DLEC1: variants seen among roughly 807,000 people sequenced by gnomAD.
DLEC1 encodes deleted in lung and esophageal cancer protein 1.
Under a neutral mutation model 198.1 loss-of-function variants are expected in DLEC1, and 146 were observed. The observed-to-expected ratio is 0.74, with a 90% confidence interval of 0.64 to 0.85. The LOEUF is 0.85. Among genes scored for constraint, DLEC1 ranks in the 40% least tolerant of loss-of-function variants. The probability of loss-of-function intolerance (pLI) is 0.00; values close to 1 mark genes in which losing one functional copy is unlikely to be tolerated. For synonymous variants in DLEC1, 897 were observed against 866.8 expected (o/e 1.03, Z -0.61); for missense variants, 2,233 against 2,220.0 (o/e 1.01, Z -0.12).
Position 38,084,183 on chromosome 3 carries a change from C to A in DLEC1, c.1199C>A (p.Thr400Asn). ...ATGGTAATTGCGCTGCAGAACACCA[C>A]CACGACCAGCCGCTACCTGCGAGTC... The part of the protein sequence containing the change: ...YEMVIALQNT[T>N]TTSRYLRVLP... The change falls in exon 7 of 37, where the codon ACC becomes AAC. Residue 400 changes from threonine to asparagine, a missense_variant. By Grantham distance (65) the Thr-to-Asn change is moderately conservative. Coordinates refer to ENST00000308059, the MANE Select transcript of DLEC1 (RefSeq NM_007335.4). 1 of 1,613,094 alleles carries A rather than the reference C, an allele frequency of 6.2e-7. No individual in the cohort carries two copies.
intron 18 of DLEC1, among the ~76,000 whole-genome samples, chr3:38,099,949 C>G (rs1458674540): frequency 6.6e-6 from 1 of 152,174 alleles, no homozygotes; most frequent in Non-Finnish European, 1.5e-5. Context: ...AGAGGGCTAC[C>G]CCCCTAGTTT....
rs139466690 is a variant in DLEC1, at chr3:38,058,655, A to G, written c.563-1087A>G. ...TGAAGAATAAAAAGCCTCCACCTGT[A>G]CATTATAAATTTGTACAAATGCACA... On this transcript the variant is annotated intron_variant, in intron 2 of 36. Transcript: ENST00000308059. Among the ~76,000 whole-genome samples the G allele has an allele frequency of 2.0e-5, 3 of 152,346 alleles. No individual in the cohort carries two copies. The East Asian group carries it at 5.8e-4, about 29-fold the overall frequency.
chr3:38,075,355 G>A (rs2125643268), intron 6 of DLEC1, among the ~76,000 whole-genome samples: 1 of 152,246 alleles, frequency 6.6e-6, no homozygotes, highest in East Asian at 1.9e-4. Flanking sequence ...CCATTTTCTG[G>A]CCATTTAGAG....
chr3:38,076,217 C>T (rs906571694), intron 6 of DLEC1, among the ~76,000 whole-genome samples: 31 of 152,112 alleles, frequency 2.0e-4, no homozygotes, highest in African/African-American at 6.0e-4. Flanking sequence ...AAAAAGAGGC[C>T]GCTTACCAGA....
intron 2 of DLEC1, among the ~76,000 whole-genome samples, chr3:38,048,652 G>T (rs1308432652): frequency 1.3e-5 from 2 of 152,198 alleles, no homozygotes; most frequent in Non-Finnish European, 2.9e-5. Context: ...ATTTGAACTT[G>T]GGTGTGTCTG....
chr3:38,107,332 G>A (rs1049674260), intron 19 of DLEC1, among the ~76,000 whole-genome samples: 1 of 152,128 alleles, frequency 6.6e-6, no homozygotes, highest in African/African-American at 2.4e-5. Flanking sequence ...TCTACTTTTT[G>A]AGCAATTATA....
rs1226508932 is a variant in DLEC1 at position 38,111,683 on chromosome 3, C to T, written c.3450C>T (p.Asn1150=). The T allele has an allele frequency of 6.2e-7, 1 of 1,613,300 alleles. No homozygotes were observed. Among genetic ancestry groups the T allele is most frequent in the East Asian group, 2.2e-5 (1 of 44,856 alleles). ...TGTGTCTCCACTTGTAAAGTCCCAA[C>T]ATGCCTCCTGCCCTGCTAAAGACAG... is the stretch of plus-strand genomic sequence containing the variant. The part of the protein sequence containing the change: ...NSLSKKTSLP[N]MPPALLKTVR... The change falls in exon 24 of 37, where the codon AAC becomes AAT. Residue 1150 remains asparagine (N), a synonymous_variant. Transcript: ENST00000308059.
intron 9 of DLEC1, among the ~76,000 whole-genome samples, chr3:38,087,022 C>G (rs912234982): frequency 2.1e-4 from 31 of 149,896 alleles, no homozygotes; most frequent in African/African-American, 7.7e-4. Context: ...TGCAGTGAGC[C>G]GAGATCGCAC....
chr3:38,082,065 C>T (rs554242278), intron 6 of DLEC1, among the ~76,000 whole-genome samples: 1,408 of 140,052 alleles, frequency 0.01, 16 homozygotes, highest in Middle Eastern at 0.015. Context: ...CAGAGGGTCT[C>T]CTCACTTCTC....
chr3:38,074,455 A>G (rs528558352), intron 6 of DLEC1, among the ~76,000 whole-genome samples: 121 of 152,342 alleles, frequency 7.9e-4, no homozygotes, highest in African/African-American at 2.7e-3. Flanking sequence ...AAAGCGTCTA[A>G]GGGTTGCTGC....
intron 6 of DLEC1, among the ~76,000 whole-genome samples, chr3:38,076,581 C>A (rs377549323): frequency 1.3e-5 from 2 of 151,994 alleles, no homozygotes; most frequent in Non-Finnish European, 2.9e-5. Flanking sequence ...AGGCAAGGAC[C>A]GGCCATTTAC....
chr3:38,061,300 T>G (rs1172097788), intron 3 of DLEC1, among the ~76,000 whole-genome samples: 1 of 152,162 alleles, frequency 6.6e-6, no homozygotes, highest in Non-Finnish European at 1.5e-5. Context: ...AGCCTCAGCC[T>G]CCTGAGTAGC....
chr3:38,065,364 CAGAGGG>C (rs1235103846), intron 6 of DLEC1, among the ~76,000 whole-genome samples: 74 of 147,066 alleles, frequency 5.0e-4, no homozygotes, highest in Middle Eastern at 3.5e-3. Flanking sequence ...GGAGACTGTG[CAGAGGG>C]AGAGGGAGAG....
chr3:38,069,601 C>T (rs2125631062), intron 6 of DLEC1, among the ~76,000 whole-genome samples: 1 of 152,254 alleles, frequency 6.6e-6, no homozygotes, highest in Non-Finnish European at 1.5e-5. Flanking sequence ...TTATTTTTTT[C>T]CTCCAAAGCT....
At chr3:38,079,255 G>T (rs1697818628) in intron 6 of DLEC1, among the ~76,000 whole-genome samples, 1 of 152,106 alleles carries the variant, frequency 6.6e-6, no homozygotes, top group Non-Finnish European at 1.5e-5. Flanking sequence ...GCCTAATAAG[G>T]GAACTGGGCA....
At chr3:38,075,297 T>C (rs1697548825) in intron 6 of DLEC1, among the ~76,000 whole-genome samples, 1 of 152,156 alleles carries the variant, frequency 6.6e-6, no homozygotes, top group Non-Finnish European at 1.5e-5. Context: ...TTTGCCTATT[T>C]TTTGACAAAA....
Position 38,108,495 on chromosome 3 carries a change from G to T in DLEC1, c.3109G>T (p.Glu1037Ter), listed in dbSNP as rs757138940. The T allele has an allele frequency of 1.9e-6, 3 of 1,614,104 alleles. No individual in the cohort carries two copies. Among genetic ancestry groups the T allele is most frequent in the Non-Finnish European group, 2.5e-6 (3 of 1,179,994 alleles). Residue 1037 changes from glutamate (E) to a stop codon, truncating the protein, a stop_gained, in exon 21 of 37, where the codon GAG (glutamate) becomes TAG (stop). Transcript: ENST00000308059. LOFTEE classifies it high-confidence loss of function. ...AAGTGAGGAGTGCCAGCTCAAGTTG[G>T]AGTTGACTGCTCATACCCAGGTGAG... ...GPSEECQLKL[E>*]LTAHTQEELT...
At chr3:38,113,644 T>A (rs1322588834) in intron 25 of DLEC1, among the ~76,000 whole-genome samples, 1 of 152,084 alleles carries the variant, frequency 6.6e-6, no homozygotes, top group Non-Finnish European at 1.5e-5. Flanking sequence ...TCAGCCGAGA[T>A]CATGCCACTG....
At chr3:38,091,820 G>T (rs771817339) in intron 10 of DLEC1, among the ~76,000 whole-genome samples, 1 of 152,102 alleles carries the variant, frequency 6.6e-6, no homozygotes, top group Admixed American at 6.5e-5. Flanking sequence ...CCTGACACCC[G>T]TTAGAATGGC....
Sources: allele counts gnomAD v4.1 joint callset (sites outside exome capture counted in the v4.1 genomes callset), GRCh38; gene constraint gnomAD v4.1.1; transcripts MANE v1.5; gene names NCBI Gene and HGNC (gene_info 2026-07-23, HGNC 2026-07-21).